CMPK1: variants seen among roughly 807,000 people sequenced by gnomAD.
The protein encoded by CMPK1 is cytidine/uridine monophosphate kinase 1, also known as UMP-CMP kinase.
Under a neutral mutation model 25.7 loss-of-function variants are expected in CMPK1, and 10 were observed. The observed-to-expected ratio is 0.39, with a 90% CI of 0.24 to 0.66. CMPK1 has a LOEUF of 0.66. CMPK1 is among the 30% of genes least tolerant of loss of function. The pLI is 0.48. For missense variants in CMPK1, 199 were observed against 280.5 expected (o/e 0.71, Z 2.08); for synonymous variants, 106 against 101.5 (o/e 1.04, Z -0.27).
At chr1:47,364,735 G>A (rs1163117677) in intron 1 of CMPK1, among the ~76,000 whole-genome samples, 3 of 148,572 alleles carry the variant, frequency 2.0e-5, no homozygotes, top group African/African-American at 7.3e-5. Flanking sequence ...ATATGAAAAT[G>A]TAATTTATAT....
chr1:47,360,019 T>G (rs990734939), intron 1 of CMPK1, among the ~76,000 whole-genome samples: 1 of 152,220 alleles, frequency 6.6e-6, no homozygotes, highest in African/African-American at 2.4e-5. Flanking sequence ...AGATATTGCT[T>G]CTTCCTAGAA....
intron 2 of CMPK1, among the ~76,000 whole-genome samples, chr1:47,372,468 T>G (rs1646683587): frequency 6.6e-6 from 1 of 152,208 alleles, no homozygotes. Flanking sequence ...ATAGCAGAGT[T>G]GAGCACCTGT....
intron 1 of CMPK1, among the ~76,000 whole-genome samples, chr1:47,363,026 C>G (rs72686240): frequency 0.033 from 5,000 of 152,246 alleles, 118 homozygotes; most frequent in South Asian, 0.085. Context: ...AAAGTAAGTT[C>G]CCCAGGGATG....
chr1:47,341,677 C>T (rs1026533368), intron 1 of CMPK1, among the ~76,000 whole-genome samples: 7 of 152,014 alleles, frequency 4.6e-5, no homozygotes, highest in Admixed American at 1.3e-4. Flanking sequence ...CTTGCTCTGT[C>T]GCCCAGGTTG....
intron 1 of CMPK1, among the ~76,000 whole-genome samples, chr1:47,352,274 T>C (rs1410858243): frequency 1.3e-5 from 2 of 152,234 alleles, no homozygotes; most frequent in African/African-American, 4.8e-5. Flanking sequence ...TCTCCCATCC[T>C]GTGGGCTGTC....
intron 1 of CMPK1, among the ~76,000 whole-genome samples, chr1:47,360,345 G>T (rs1454069237): frequency 2.0e-5 from 3 of 152,178 alleles, no homozygotes; most frequent in African/African-American, 7.2e-5. Context: ...GAAAATTCCA[G>T]TTTACGTTTC....
intron 5 of CMPK1, 25 bp from the exon 6 acceptor site, chr1:47,376,679 T>C (rs1646710668): frequency 6.6e-7 from 1 of 1,508,348 alleles, no homozygotes; most frequent in African/African-American, 1.4e-5. Context: ...GCTTTTAAAA[T>C]TATTATCATC....
chr1:47,355,698 C>T (rs10890478), intron 1 of CMPK1, among the ~76,000 whole-genome samples: 38,972 of 151,162 alleles, frequency 0.26, 6,195 homozygotes, highest in East Asian at 0.54. Context: ...TCTCTGCTTC[C>T]CGAGTTCAAA....
At position 47,378,529 on chromosome 1, in the gene CMPK1, T is replaced by C. The variant is rs1046337188; in HGVS notation, c.*1784T>C. 1 of 152,200 alleles carries C rather than the reference T, an allele frequency of 6.6e-6. No homozygotes were observed. The highest frequency in any genetic ancestry group is 2.4e-5 in the African/African-American group (1 of 41,454). 9.4% of individuals were successfully genotyped at this position (152,200 alleles called of 1,614,324 possible). On this transcript the variant is annotated 3_prime_UTR_variant, in exon 6 of 6. Coordinates refer to ENST00000371873, the MANE Select transcript of CMPK1 (RefSeq NM_016308.3). ...CTTTGCTTCCTTTCATCAGGTATCT[T>C]TCTGTGGCATTTGAGAACAGAAACC...
intron 1 of CMPK1, among the ~76,000 whole-genome samples, chr1:47,348,990 A>C (rs1023334520): frequency 6.6e-6 from 1 of 152,164 alleles, no homozygotes; most frequent in African/African-American, 2.4e-5. Flanking sequence ...TTTGAAGGGC[A>C]AGGGAAGTGA....
chr1:47,351,146 C>T (rs28871045), intron 1 of CMPK1, among the ~76,000 whole-genome samples: 1 of 152,012 alleles, frequency 6.6e-6, no homozygotes, highest in Non-Finnish European at 1.5e-5. Context: ...TTCAGTGGCA[C>T]GATCTCAGCT....
chr1:47,345,010 G>A (rs1029485397), intron 1 of CMPK1, among the ~76,000 whole-genome samples: 10 of 151,366 alleles, frequency 6.6e-5, no homozygotes, highest in Admixed American at 5.9e-4. Context: ...TTTGCCTCCT[G>A]GGTTCACGCG....
intron 1 of CMPK1, among the ~76,000 whole-genome samples, chr1:47,361,956 C>T (rs1187781071): frequency 3.3e-5 from 5 of 151,338 alleles, no homozygotes; most frequent in East Asian, 1.9e-4. Flanking sequence ...CCACAACCTC[C>T]GCCTCCCAGG....
chr1:47,363,924 T>C (rs540921678), intron 1 of CMPK1, among the ~76,000 whole-genome samples: 2 of 152,034 alleles, frequency 1.3e-5, no homozygotes, highest in African/African-American at 4.8e-5. Context: ...GGCTAGGTGA[T>C]CGACCGAGAT....
chr1:47,371,563 C>T (rs569312819), intron 2 of CMPK1, among the ~76,000 whole-genome samples: 2 of 152,248 alleles, frequency 1.3e-5, no homozygotes, highest in South Asian at 4.2e-4. Context: ...TCTTTTTCTT[C>T]TCTCCCTACT....
chr1:47,345,434 G>A lies in CMPK1; in HGVS notation c.171+11318G>A, dbSNP rs538149720. Among the ~76,000 whole-genome samples, 3 of 151,402 alleles carry A rather than the reference G, an allele frequency of 2.0e-5. No individual in the cohort carries two copies. In the South Asian group the frequency reaches 6.2e-4, roughly 32 times the overall value. On this transcript the variant is annotated intron_variant, in intron 1 of 5. Transcript: ENST00000371873. ...TTTTCTAACAAGTTAGTAGCTGTTT[G>A]AAGAAATGATACATAGAAATTAGGA...
At chr1:47,357,359 A>G (rs1646568535) in intron 1 of CMPK1, among the ~76,000 whole-genome samples, 1 of 152,004 alleles carries the variant, frequency 6.6e-6, no homozygotes, top group African/African-American at 2.4e-5. Context: ...TTTTACATTT[A>G]TTCCTAAATG....
chr1:47,369,092 C>T (rs1646659140), intron 2 of CMPK1, among the ~76,000 whole-genome samples: 1 of 152,226 alleles, frequency 6.6e-6, no homozygotes, highest in Non-Finnish European at 1.5e-5. Context: ...CAGCCTCAAC[C>T]TTCCAGGCTT....
At chr1:47,358,873 A>G in intron 1 of CMPK1, 1 of 984,832 alleles carries the variant, frequency 1.0e-6, no homozygotes, top group Non-Finnish European at 1.2e-6. Context: ...CCTAAAGAGC[A>G]CCTGAGATAC....
Sources: gnomAD v4.1 joint callset for allele counts (sites outside exome capture counted in the v4.1 genomes callset) on GRCh38, gnomAD v4.1.1 for gene constraint, MANE v1.5 for transcripts, NCBI Gene and HGNC (gene_info 2026-07-23, HGNC 2026-07-21) for gene names.